Variants in NFIB observed in about 807,000 individuals in gnomAD.
NFIB encodes the protein nuclear factor I B.
Under a neutral mutation model 61.5 loss-of-function variants are expected in NFIB, and 11 were observed. That is an observed-to-expected ratio of 0.18 (90% CI 0.11 to 0.30). The LOEUF (loss-of-function observed/expected upper bound fraction) is 0.30. Among genes scored for constraint, NFIB ranks in the 10% least tolerant of loss-of-function variants. The probability of loss-of-function intolerance (pLI) is 1.00; values close to 1 mark genes in which losing one functional copy is unlikely to be tolerated. For missense variants in NFIB, 471 were observed against 608.9 expected, an observed-to-expected ratio of 0.77 and a Z score of 2.38; for synonymous variants, 260 against 216.5, an observed-to-expected ratio of 1.20 and a Z score of -1.76.
At chr9:14,310,933 A>T (rs1237580093) in intron 1 of NFIB, among the ~76,000 whole-genome samples, 1 of 152,160 alleles carries the variant, frequency 6.6e-6, no homozygotes. Flanking sequence ...CTCTTGGCGC[A>T]TTGCTATATA....
At chr9:14,440,741 G>T in the NFIB span, among the ~76,000 whole-genome samples, 56,942 of 152,102 alleles carry the variant, frequency 0.37, 11,399 homozygotes, top group African/African-American at 0.51. Context: ...GAAATGAATA[G>T]AGAATTAACA....
chr9:14,465,379 T>G, the NFIB span, among the ~76,000 whole-genome samples: 1 of 152,244 alleles, frequency 6.6e-6, no homozygotes, highest in East Asian at 1.9e-4. Flanking sequence ...CAAGTGCTAC[T>G]CTAAATGGGA....
At chr9:14,310,955 T>C (rs540375750) in intron 1 of NFIB, among the ~76,000 whole-genome samples, 1 of 152,050 alleles carries the variant, frequency 6.6e-6, no homozygotes, top group South Asian at 2.1e-4. Context: ...CAACAAATCA[T>C]GCAAAAAATG....
At position 14,329,793 on chromosome 9, in the gene NFIB, G is replaced by A. The variant is rs369099017; in HGVS notation, c.109-22273C>T. ...CTCCCAAAGTGCTGGGATTATAGGC[G>A]TGAGCCACCACGCCCAGCCATCTTT... On this transcript the variant is annotated intron_variant, in intron 1 of 8. Coordinates refer to the NFIB transcript ENST00000380934. Among the ~76,000 whole-genome samples, 9 of 151,584 alleles carry A rather than the reference G, an allele frequency of 5.9e-5. No homozygotes were observed. The East Asian group carries it at 1.0e-3, about 17-fold the overall frequency.
the NFIB span, among the ~76,000 whole-genome samples, chr9:14,425,669 G>C: frequency 7.5e-6 from 1 of 132,700 alleles, no homozygotes; most frequent in Non-Finnish European, 1.5e-5. Flanking sequence ...ACTTAATCTC[G>C]AGGTATTTGT....
chr9:14,463,659 C>CTCCTTTTTTTGTTTTTT, the NFIB span, among the ~76,000 whole-genome samples: 1 of 65,824 alleles, frequency 1.5e-5, no homozygotes, highest in Non-Finnish European at 3.0e-5. Context: ...ATTTGATTTT[C>CTCCTTTTTTTGTTTTTT]TTTTTTTTTT....
At chr9:14,102,754 T>A (rs1213537826) in intron 10 of NFIB, among the ~76,000 whole-genome samples, 1 of 152,114 alleles carries the variant, frequency 6.6e-6, no homozygotes, top group Admixed American at 6.5e-5. Context: ...GAGAAACAAG[T>A]GCTTAGAACA....
chr9:14,102,335 T>C, intron 10 of NFIB: 5 of 1,144,144 alleles, frequency 4.4e-6, no homozygotes, highest in African/African-American at 1.5e-5. Flanking sequence ...TTAACATATA[T>C]TTTCTGTAAA....
intron 2 of NFIB, among the ~76,000 whole-genome samples, chr9:14,302,729 C>G (rs10961468): frequency 0.21 from 32,590 of 151,956 alleles, 4,363 homozygotes; most frequent in Non-Finnish European, 0.3. Context: ...AAGGCCAATC[C>G]CACTCCCGCC....
At chr9:14,308,751 T>G (rs999544732) in intron 1 of NFIB, among the ~76,000 whole-genome samples, 2 of 152,232 alleles carry the variant, frequency 1.3e-5, no homozygotes, top group Non-Finnish European at 2.9e-5. Flanking sequence ...ATCTTTTGAA[T>G]TAAGTAGTTT....
intron 1 of NFIB, among the ~76,000 whole-genome samples, chr9:14,310,233 C>A (rs1263596667): frequency 6.6e-6 from 1 of 152,142 alleles, no homozygotes; most frequent in Non-Finnish European, 1.5e-5. Context: ...TCAATGCTGC[C>A]AATATTGTTT....
the NFIB span, among the ~76,000 whole-genome samples, chr9:14,404,701 CT>C: frequency 6.6e-6 from 1 of 152,168 alleles, no homozygotes; most frequent in Non-Finnish European, 1.5e-5. Context: ...TACAAATCTG[CT>C]TTGGGCTTTG....
chr9:14,337,678 C>T (rs1443523668), intron 1 of NFIB, among the ~76,000 whole-genome samples: 1 of 152,224 alleles, frequency 6.6e-6, no homozygotes, highest in Non-Finnish European at 1.5e-5. Context: ...CCAGGCCACA[C>T]GTTTCCAACT....
At chr9:14,241,008 G>A (rs2054287248) in intron 2 of NFIB, among the ~76,000 whole-genome samples, 1 of 152,134 alleles carries the variant, frequency 6.6e-6, no homozygotes, top group South Asian at 2.1e-4. Flanking sequence ...GTAATTCAGG[G>A]TTTCTTCTCT....
intron 2 of NFIB, among the ~76,000 whole-genome samples, chr9:14,295,661 C>CAAAG (rs796753683): frequency 1.2e-4 from 18 of 151,926 alleles, no homozygotes; most frequent in Middle Eastern, 3.4e-3. Flanking sequence ...AACAAACAAA[C>CAAAG]AAAGCACTAT....
chr9:14,102,498 C>A, intron 10 of NFIB: 1 of 1,550,306 alleles, frequency 6.5e-7, no homozygotes, highest in Non-Finnish European at 8.7e-7. Flanking sequence ...ATGGTCCAGT[C>A]ACAAATCCTC....
In NFIB at chr9:14,351,944, G is replaced by C. The variant is rs60872002; in HGVS notation, c.109-44424C>G. On this transcript the variant is annotated intron_variant, in intron 1 of 8. Coordinates refer to the NFIB transcript ENST00000380934. ...AAAGGCATACATGGATCTGAGAGCA[G>C]AGTGTGCCACAGACCCCGGGTCTCT... 1.4e-3 allele frequency among the ~76,000 whole-genome samples: 207 copies of C among 152,308 alleles called. 1 individual carries two copies. The highest frequency in any genetic ancestry group is 4.9e-3 in the African/African-American group (202 of 41,564).
the NFIB span, among the ~76,000 whole-genome samples, chr9:14,495,257 G>T: frequency 6.6e-6 from 1 of 152,002 alleles, no homozygotes; most frequent in Non-Finnish European, 1.5e-5. Flanking sequence ...AAATCCCAGA[G>T]CAGATCTCCC....
the NFIB span, among the ~76,000 whole-genome samples, chr9:14,511,065 A>C: frequency 6.6e-6 from 1 of 152,118 alleles, no homozygotes; most frequent in Admixed American, 6.6e-5. Context: ...CCAATTTTGG[A>C]GATTTTTGAT....
Sources: allele counts gnomAD v4.1 joint callset (sites outside exome capture counted in the v4.1 genomes callset), GRCh38; gene constraint gnomAD v4.1.1; transcripts MANE v1.5; gene names NCBI Gene and HGNC (gene_info 2026-07-23, HGNC 2026-07-21).